The following CYP2C19 variants were observed in gnomAD, a reference collection of about 807,000 sequenced individuals.
CYP2C19 encodes cytochrome P450 2C19.
CYP2C19 carries 59 observed loss-of-function variants against 40.9 expected under a neutral mutation model. The ratio of observed to expected loss-of-function variants is 1.44; its 90% CI spans 1.17 to 1.79. The LOEUF is 1.79. Among genes scored for constraint, CYP2C19 ranks in the 40% most tolerant of loss-of-function variants. CYP2C19 has a pLI of 0.00. For synonymous variants in CYP2C19, 253 were observed against 208.7 expected, an observed-to-expected ratio of 1.21 and a Z score of -1.83; for missense variants, 754 against 596.9, an observed-to-expected ratio of 1.26 and a Z score of -2.74.
intron 3 of CYP2C19, 200 bp downstream of exon 3, chr10:94,775,739 A>G (rs567723139): frequency 1.3e-6 from 1 of 789,280 alleles, no homozygotes; most frequent in Non-Finnish European, 2.0e-6. Context: ...TTGTGCATAC[A>G]GTGTGGGTAT....
intron 8 of CYP2C19, 136 bp downstream of exon 8, chr10:94,850,194 T>A: frequency 9.7e-7 from 1 of 1,031,332 alleles, no homozygotes; most frequent in Non-Finnish European, 1.4e-6. Flanking sequence ...TGAATGCCTG[T>A]GTTTTCTCCG....
At chr10:94,803,485 G>T (rs1293692764) in intron 5 of CYP2C19, among the ~76,000 whole-genome samples, 2 of 152,166 alleles carry the variant, frequency 1.3e-5, no homozygotes, top group Non-Finnish European at 2.9e-5. Context: ...GTTTCCTCAG[G>T]CAATCTGTTC....
intron 1 of CYP2C19, among the ~76,000 whole-genome samples, chr10:94,771,224 T>A (rs1353293249): frequency 6.6e-6 from 1 of 151,482 alleles, no homozygotes; most frequent in Non-Finnish European, 1.5e-5. Context: ...TAGCCCGGGG[T>A]TTTTTGTGGT....
At chr10:94,780,683 T>A (rs1848468216) in intron 4 of CYP2C19, 24 bp downstream of exon 4, 1 of 1,612,738 alleles carries the variant, frequency 6.2e-7, no homozygotes, top group Non-Finnish European at 8.5e-7. Flanking sequence ...TTTTGCTTCC[T>A]GAGAAACCAC....
rs1848397781 is a variant in CYP2C19, at chr10:94,775,624, AGATCTTTTATTTG to A, written c.481+88_481+100del. 18 of 1,607,818 alleles carry A rather than the reference AGATCTTTTATTTG, an allele frequency of 1.1e-5. No homozygotes were observed. In the East Asian group the frequency reaches 4.0e-4, roughly 36 times the overall value. The stretch of plus-strand genomic sequence containing the variant: ...TCTTGGAAACATTTCAGGGGTGGCC[AGATCTTTTATTTG>A]GAGTCCTGGTTGTTAGCTCATGTGA... On this transcript the variant is annotated intron_variant, in intron 3 of 8. Coordinates refer to ENST00000371321, the MANE Select transcript of CYP2C19 (RefSeq NM_000769.4).
rs926256137 is a variant in CYP2C19, at chr10:94,853,802, T to C, written c.*888T>C. Among the ~76,000 whole-genome samples, 10 of 151,938 alleles carry C rather than the reference T, an allele frequency of 6.6e-5. No individual in the cohort carries two copies. Among genetic ancestry groups the C allele is most frequent in the African/African-American group, 2.4e-4 (10 of 41,386 alleles). On this transcript the variant is annotated 3_prime_UTR_variant, in exon 9 of 9. Transcript: ENST00000371321. ...ACCTCCTGATCTGCCTGCCTCAGCC[T>C]CCCAAAGTGCTGGGATTACAGGAGT...
At chr10:94,784,165 A>G (rs1456401922) in intron 5 of CYP2C19, among the ~76,000 whole-genome samples, 1 of 152,098 alleles carries the variant, frequency 6.6e-6, no homozygotes, top group Non-Finnish European at 1.5e-5. Flanking sequence ...GCAACCTTTT[A>G]TTTCTGGGTC....
At chr10:94,775,790 T>G in intron 3 of CYP2C19, 2 of 568,654 alleles carry the variant, frequency 3.5e-6, no homozygotes, top group Non-Finnish European at 6.1e-6. Flanking sequence ...ACTTTGCTTC[T>G]TTGTTTTCAA....
At chr10:94,785,718 C>T (rs79103432) in intron 5 of CYP2C19, among the ~76,000 whole-genome samples, 7,258 of 152,076 alleles carry the variant, frequency 0.048, 247 homozygotes, top group South Asian at 0.11. Flanking sequence ...AAGAGCATCG[C>T]GTAAAATCGA....
chr10:94,777,510 C>G (rs1848424128), intron 3 of CYP2C19, among the ~76,000 whole-genome samples: 1 of 152,062 alleles, frequency 6.6e-6, no homozygotes, highest in East Asian at 1.9e-4. Context: ...CATCTACAAC[C>G]ATCTGATCTT....
At chr10:94,820,413 T>A in intron 5 of CYP2C19, 83 bp from the exon 6 acceptor site, 1 of 1,488,226 alleles carries the variant, frequency 6.7e-7, no homozygotes, top group African/African-American at 1.4e-5. Flanking sequence ...TTGGTAAGTA[T>A]ACAATGTGAG....
At chr10:94,805,698 A>G (rs1045431172) in intron 5 of CYP2C19, among the ~76,000 whole-genome samples, 13 of 152,196 alleles carry the variant, frequency 8.5e-5, no homozygotes, top group Admixed American at 5.9e-4. Flanking sequence ...AGCCTGGGCA[A>G]CATGGTGAAA....
Position 94,851,523 on chromosome 10 carries a change from C to T in CYP2C19, c.1292-1210C>T, listed in dbSNP as rs964047659. 4.6e-5 allele frequency among the ~76,000 whole-genome samples: 7 copies of T among 151,920 alleles called. No homozygotes were observed. The East Asian group carries it at 1.3e-3, about 29-fold the overall frequency. ...TAAGAAATTATGATTCTAGGTGACA[C>T]ATGCTGTCTGTTTCTTCTGCCATAT... On this transcript the variant is annotated intron_variant, in intron 8 of 8. Transcript: ENST00000371321.
At chr10:94,803,193 G>T (rs1390432633) in intron 5 of CYP2C19, among the ~76,000 whole-genome samples, 1 of 152,086 alleles carries the variant, frequency 6.6e-6, no homozygotes, top group African/African-American at 2.4e-5. Flanking sequence ...AACCCCTTCT[G>T]ATTTTTGAAT....
chr10:94,774,893 A>G, intron 1 of CYP2C19, 165 bp from the exon 2 acceptor site: 4 of 737,386 alleles, frequency 5.4e-6, no homozygotes. Context: ...TCTGAGTGGC[A>G]AGTATAATAA....
intron 6 of CYP2C19, among the ~76,000 whole-genome samples, chr10:94,840,513 TC>T (rs1849475840): frequency 6.6e-6 from 1 of 152,056 alleles, no homozygotes; most frequent in Admixed American, 6.5e-5. Context: ...GAAATGAAAG[TC>T]TGAAACATTA....
chr10:94,782,069 A>C (rs1848487038), intron 5 of CYP2C19, 72 bp downstream of exon 5: 2 of 1,314,396 alleles, frequency 1.5e-6, no homozygotes, highest in South Asian at 1.5e-5. Context: ...TTTTGTGTTT[A>C]CTACGGATGT....
chr10:94,771,727 C>A (rs144558674), intron 1 of CYP2C19, among the ~76,000 whole-genome samples: 1 of 152,024 alleles, frequency 6.6e-6, no homozygotes, highest in Admixed American at 6.6e-5. Flanking sequence ...TGCAACAGTC[C>A]CTGGACCCTG....
intron 5 of CYP2C19, among the ~76,000 whole-genome samples, chr10:94,794,169 A>T (rs751337346): frequency 1.5e-4 from 23 of 152,154 alleles, no homozygotes; most frequent in Non-Finnish European, 2.8e-4. Context: ...CACGCATGGG[A>T]TATAATCTCC....
Sources: allele counts gnomAD v4.1 joint callset (sites outside exome capture counted in the v4.1 genomes callset), GRCh38; gene constraint gnomAD v4.1.1; transcripts MANE v1.5; gene names NCBI Gene and HGNC (gene_info 2026-07-23, HGNC 2026-07-21).